PREP: variants seen among roughly 807,000 people sequenced by gnomAD.
The protein encoded by PREP is prolyl endopeptidase, also known as dJ355L5.1 (prolyl endopeptidase).
PREP carries 29 observed loss-of-function variants against 87.6 expected under a neutral mutation model. That is an observed-to-expected ratio of 0.33 (90% CI 0.25 to 0.45). PREP has a LOEUF of 0.45. Ranked by LOEUF, PREP falls within the 20% of genes least tolerant of loss-of-function variation. The probability of loss-of-function intolerance (pLI) is 1.00; values close to 1 mark genes in which losing one functional copy is unlikely to be tolerated. For missense variants in PREP, 695 were observed against 886.5 expected, an observed-to-expected ratio of 0.78 and a Z score of 2.74; for synonymous variants, 337 against 328.6, an observed-to-expected ratio of 1.03 and a Z score of -0.28.
At chr6:105,392,799 A>C (rs754059779) in intron 2 of PREP, among the ~76,000 whole-genome samples, 1 of 151,748 alleles carries the variant, frequency 6.6e-6, no homozygotes, top group Non-Finnish European at 1.5e-5. Context: ...CTGGCCTCGA[A>C]CTCCTGACCT....
intron 7 of PREP, among the ~76,000 whole-genome samples, chr6:105,344,633 G>A (rs1771750471): frequency 6.6e-6 from 1 of 151,172 alleles, no homozygotes; most frequent in East Asian, 2.0e-4. Flanking sequence ...TGAACAATGA[G>A]AACACTTGGA....
intron 1 of PREP, 46 bp downstream of exon 1, chr6:105,402,801 G>T: frequency 6.6e-7 from 1 of 1,510,816 alleles, no homozygotes. Flanking sequence ...AGGCAGGCTG[G>T]GCACCTTTGC....
At chr6:105,282,220 T>A (rs1770097945) in intron 13 of PREP, among the ~76,000 whole-genome samples, 1 of 152,174 alleles carries the variant, frequency 6.6e-6, no homozygotes, top group Non-Finnish European at 1.5e-5. Flanking sequence ...ATGAGGGAGA[T>A]TAAGGGACTT....
intron 10 of PREP, among the ~76,000 whole-genome samples, chr6:105,304,117 T>A (rs1583044786): frequency 6.6e-6 from 1 of 152,268 alleles, no homozygotes; most frequent in East Asian, 1.9e-4. Flanking sequence ...AAATTTTTTT[T>A]AAACCCAACA....
chr6:105,307,825 C>T (rs1770685680), intron 10 of PREP, among the ~76,000 whole-genome samples: 1 of 152,158 alleles, frequency 6.6e-6, no homozygotes, highest in East Asian at 1.9e-4. Flanking sequence ...GTTGACCAGG[C>T]TGGTCTTGAA....
chr6:105,317,028 C>G (rs1228227077), intron 10 of PREP, among the ~76,000 whole-genome samples: 1 of 150,508 alleles, frequency 6.6e-6, no homozygotes, highest in Non-Finnish European at 1.5e-5. Flanking sequence ...TCACTGTAAC[C>G]TTGAACTCCT....
At chr6:105,303,553 T>G (rs1404856757) in intron 10 of PREP, among the ~76,000 whole-genome samples, 1 of 151,952 alleles carries the variant, frequency 6.6e-6, no homozygotes, top group Non-Finnish European at 1.5e-5. Context: ...AGAAGTTCAC[T>G]TGTTTGACCT....
intron 8 of PREP, among the ~76,000 whole-genome samples, chr6:105,329,971 T>G (rs12195325): frequency 6.6e-6 from 1 of 151,490 alleles, no homozygotes; most frequent in Admixed American, 6.6e-5. Context: ...TGCAGGAAGA[T>G]AGGCCACTCC....
chr6:105,400,828 G>A (rs1012237147), intron 1 of PREP, among the ~76,000 whole-genome samples: 1 of 152,342 alleles, frequency 6.6e-6, no homozygotes. Flanking sequence ...ATGGCTGAAG[G>A]TGCTCAAGTG....
chr6:105,287,255 G>T (rs1583036040), intron 11 of PREP, among the ~76,000 whole-genome samples: 1 of 151,928 alleles, frequency 6.6e-6, no homozygotes, highest in Admixed American at 6.6e-5. Context: ...CGTTGCCTGG[G>T]AAACTTTGGA....
At chr6:105,372,418 A>G (rs1772584228) in intron 5 of PREP, among the ~76,000 whole-genome samples, 1 of 152,174 alleles carries the variant, frequency 6.6e-6, no homozygotes, top group African/African-American at 2.4e-5. Flanking sequence ...AGACCAACCA[A>G]CATAACAAGA....
At chr6:105,279,570 GCT>G (rs1249160254) in intron 14 of PREP, among the ~76,000 whole-genome samples, 1 of 152,168 alleles carries the variant, frequency 6.6e-6, no homozygotes, top group Non-Finnish European at 1.5e-5. Context: ...TGGAGCTCTA[GCT>G]CTTTTTTTGG....
At chr6:105,371,218 G>A (rs1277412562) in intron 5 of PREP, among the ~76,000 whole-genome samples, 1 of 152,100 alleles carries the variant, frequency 6.6e-6, no homozygotes, top group Non-Finnish European at 1.5e-5. Flanking sequence ...AAAAAGTTAA[G>A]TATCGGCCAG....
chr6:105,346,498 T>C (rs528102685), intron 7 of PREP, among the ~76,000 whole-genome samples: 3 of 152,342 alleles, frequency 2.0e-5, no homozygotes, highest in East Asian at 3.9e-4. Flanking sequence ...CTGAATACTT[T>C]ATCAATCTAA....
At chr6:105,307,059 A>G (rs1034963341) in intron 10 of PREP, among the ~76,000 whole-genome samples, 9 of 152,336 alleles carry the variant, frequency 5.9e-5, no homozygotes, top group Non-Finnish European at 1.2e-4. Context: ...TAAAAAAGCA[A>G]TTCTACTAAC....
In PREP at chr6:105,276,275, C is replaced by T. The variant is rs896753532; in HGVS notation, c.*1869G>A. Among the ~76,000 whole-genome samples, 15 of 152,220 alleles carry T rather than the reference C, an allele frequency of 9.9e-5. No individual in the cohort carries two copies. Among genetic ancestry groups the T allele is most frequent in the Non-Finnish European group, 1.6e-4 (11 of 68,030 alleles). ...GGCATTAAAAACGTATTACTGTATT[C>T]CTCCTCCTCCTCATCAGTTGCTAAG... On this transcript the variant is annotated 3_prime_UTR_variant, in exon 15 of 15. Coordinates refer to ENST00000652536, the MANE Select transcript of PREP (RefSeq NM_002726.5).
At chr6:105,393,658 A>C (rs1420546330) in intron 2 of PREP, among the ~76,000 whole-genome samples, 1 of 152,172 alleles carries the variant, frequency 6.6e-6, no homozygotes, top group African/African-American at 2.4e-5. Context: ...AGGAAAAAAA[A>C]ATTAATTTCA....
At position 105,373,472 on chromosome 6, in the gene PREP, A is replaced by G. The variant is rs2114708970; in HGVS notation, c.492T>C (p.Leu164=). The G allele has an allele frequency of 6.2e-7, 1 of 1,614,218 alleles. No individual in the cohort carries two copies. The change falls in exon 5 of 15, where the codon CTT becomes CTC. Residue 164 remains leucine, a synonymous_variant. Transcript: ENST00000652536. ...ACTTGACTCTTTCAAGCACATCTGG[A>G]AGCTCTTTGGCACCATCAACTTTCA... is the stretch of plus-strand genomic sequence containing the variant. The part of the protein sequence containing the change: ...KFMKVDGAKE[L]PDVLERVKFS...
Position 105,278,301 on chromosome 6 carries a change from A to C in PREP, c.1976T>G (p.Ile659Ser). The change falls in exon 15 of 15, where the codon ATC (isoleucine) becomes AGC (serine). Residue 659 changes from isoleucine (I) to serine (S), a missense_variant. Transcript: ENST00000652536. The surrounding 1 kb of genome is among the most constrained non-coding windows in gnomAD (Gnocchi z 4.2). ...SLKFIATLQY[I>S]VGRSRKQSNP... ...GCTTTGCTTCCTGCTGCGGCCCACG[A>C]TGTACTGAAGGGTGGCAATGAACTT... 1 of 1,614,178 alleles carries C rather than the reference A, an allele frequency of 6.2e-7. No homozygotes were observed. Among genetic ancestry groups the C allele is most frequent in the Non-Finnish European group, 8.5e-7 (1 of 1,180,026 alleles).
Sources: gnomAD v4.1 joint callset for allele counts (sites outside exome capture counted in the v4.1 genomes callset) on GRCh38, gnomAD v4.1.1 for gene constraint, Gnocchi (gnomAD v3.1) non-coding constraint, MANE v1.5 for transcripts, NCBI Gene and HGNC (gene_info 2026-07-23, HGNC 2026-07-21) for gene names.